Variants in BOP1 observed in about 807,000 individuals in gnomAD.
The protein encoded by BOP1 is BOP1 ribosomal biogenesis factor.
Under a neutral mutation model 82.9 loss-of-function variants are expected in BOP1, and 54 were observed. That is an observed-to-expected ratio of 0.65 (90% CI 0.52 to 0.82). The LOEUF (loss-of-function observed/expected upper bound fraction) is 0.82. Ranked by LOEUF, BOP1 falls within the 40% of genes least tolerant of loss-of-function variation. The pLI, the probability that BOP1 is intolerant of heterozygous loss-of-function variation, is 0.00. For missense variants in BOP1, 1,170 were observed against 1,072.0 expected, an observed-to-expected ratio of 1.09 and a Z score of -1.28; for synonymous variants, 566 against 451.1, an observed-to-expected ratio of 1.25 and a Z score of -3.23.
chr8:144,262,463 G>A lies in BOP1; in HGVS notation c.2020C>T (p.Arg674Trp), dbSNP rs1400576650. 12 of 1,612,732 alleles carry A rather than the reference G, an allele frequency of 7.4e-6. No homozygotes were observed. In the East Asian group the frequency reaches 1.3e-4, roughly 18 times the overall value. Residue 674 changes from arginine (R) to tryptophan (W), a missense_variant, in exon 15 of 16, where the codon CGG (arginine) becomes TGG (tryptophan). Coordinates refer to ENST00000569669, the MANE Select transcript of BOP1 (RefSeq NM_015201.5). ...KALRAVAFHP[R>W]YPLFASGSDD... Reference sequence around the variant, plus strand: ...GAGCCTGACGCAAAGAGTGGGTACCGCGGGTGGAAGGCCACAGCCCGCAGA... The same window carrying A: ...GAGCCTGACGCAAAGAGTGGGTACCACGGGTGGAAGGCCACAGCCCGCAGA...
At chr8:144,280,231 G>A (rs782705193) in intron 2 of BOP1, among the ~76,000 whole-genome samples, 18 of 152,184 alleles carry the variant, frequency 1.2e-4, no homozygotes, top group African/African-American at 2.2e-4. Context: ...AGGCAAGAGC[G>A]GAGTTTACCA....
At chr8:144,266,432 C>G (rs1845365091) in intron 3 of BOP1, 1 of 886,570 alleles carries the variant, frequency 1.1e-6, no homozygotes, top group Admixed American at 6.2e-5. Context: ...GCTATAAAGG[C>G]GCAGCTCGGG....
intron 3 of BOP1, chr8:144,267,049 G>C (rs1404337174): frequency 4.7e-6 from 7 of 1,495,518 alleles, no homozygotes; most frequent in Non-Finnish European, 6.2e-6. Flanking sequence ...CTGCCACTCC[G>C]GGCCCGCCTT....
At position 144,264,525 on chromosome 8, in the gene BOP1, T is replaced by C; in HGVS notation, c.755A>G (p.Glu252Gly). Residue 252 changes from glutamate to glycine, a missense_variant, in exon 6 of 16, where the codon GAG (glutamate) becomes GGG (glycine). By Grantham distance (98) the Glu-to-Gly change is moderately conservative. Coordinates refer to ENST00000569669, the MANE Select transcript of BOP1 (RefSeq NM_015201.5). ...DKRSFIPSLV[E>G]KEKVSRMVHA... Reference sequence around the variant, plus strand: ...GGCTGTGTGCCCCACCTTCTCCTTCTCCACCAGGGAGGGGATGAAGCTGCG... The same window carrying C: ...GGCTGTGTGCCCCACCTTCTCCTTCCCCACCAGGGAGGGGATGAAGCTGCG... 2 of 1,610,114 alleles carry C rather than the reference T, an allele frequency of 1.2e-6. No individual in the cohort carries two copies. The highest frequency in any genetic ancestry group is 1.7e-6 in the Non-Finnish European group (2 of 1,179,026).
intron 3 of BOP1, chr8:144,266,776 A>G (rs1224845749): frequency 1.9e-6 from 2 of 1,062,342 alleles, no homozygotes; most frequent in African/African-American, 1.7e-5. Flanking sequence ...CGCCCGGCGG[A>G]GGGCGGGGGG....
In BOP1 at chr8:144,262,440, G is replaced by A. The variant is rs2130185276; in HGVS notation, c.2043C>T (p.Gly681=). ...FHPRYPLFAS[G]SDDGSVIVCH... ...AGACGATGACACTGCCGTCGTCCGAGCCTGACGCAAAGAGTGGGTACCGCG... is the reference window on the plus strand; with the variant it reads ...AGACGATGACACTGCCGTCGTCCGAACCTGACGCAAAGAGTGGGTACCGCG... The change falls in exon 15 of 16, where the codon GGC becomes GGT. Residue 681 remains glycine (G), a synonymous_variant. Coordinates refer to ENST00000569669, the MANE Select transcript of BOP1 (RefSeq NM_015201.5). The A allele has an allele frequency of 2.5e-6, 4 of 1,612,892 alleles. No individual in the cohort carries two copies. The highest frequency in any genetic ancestry group is 4.5e-5 in the East Asian group (2 of 44,866).
intron 2 of BOP1, among the ~76,000 whole-genome samples, chr8:144,283,538 C>T (rs4977213): frequency 0.69 from 105,526 of 152,142 alleles, 37,229 homozygotes; most frequent in African/African-American, 0.81. Context: ...GTCTTGAACT[C>T]CTGGGCTCAA....
At chr8:144,282,916 C>T (rs1845707306) in intron 2 of BOP1, among the ~76,000 whole-genome samples, 1 of 151,836 alleles carries the variant, frequency 6.6e-6, no homozygotes, top group Non-Finnish European at 1.5e-5. Flanking sequence ...TGGCCAGGTG[C>T]GGTGGCTCAC....
At chr8:144,267,122 G>A (rs1194446517) in intron 3 of BOP1, 4 of 1,486,210 alleles carry the variant, frequency 2.7e-6, no homozygotes, top group Admixed American at 2.3e-5. Context: ...GCCCGCGACG[G>A]CGAGAACACC....
In BOP1 at chr8:144,262,513, G is replaced by C; in HGVS notation, c.1980-10C>G. 1 of 1,612,934 alleles carries C rather than the reference G, an allele frequency of 6.2e-7. No homozygotes were observed. Among genetic ancestry groups the C allele is most frequent in the Non-Finnish European group, 8.5e-7 (1 of 1,179,772 alleles). On this transcript the variant is annotated splice_polypyrimidine_tract_variant and intron_variant, in intron 14 of 15. Coordinates refer to ENST00000569669, the MANE Select transcript of BOP1 (RefSeq NM_015201.5). The stretch of plus-strand genomic sequence containing the variant: ...AGCCTTCTTGTGGTGTCTGGGGGGA[G>C]GGAACCAGGTTGAAGGCAGGCTCGG...
intron 2 of BOP1, among the ~76,000 whole-genome samples, chr8:144,283,075 G>A (rs1814760579): frequency 6.6e-6 from 1 of 151,454 alleles, no homozygotes; most frequent in Admixed American, 6.6e-5. Context: ...GCTGGCATCT[G>A]TAATCCCAGC....
Position 144,263,378 on chromosome 8 carries a change from T to G in BOP1, c.1448A>C (p.Asn483Thr). 1 of 1,597,330 alleles carries G rather than the reference T, an allele frequency of 6.3e-7. No individual in the cohort carries two copies. The highest frequency in any genetic ancestry group is 8.5e-7 in the Non-Finnish European group (1 of 1,179,598). The change falls in exon 12 of 16, where the codon AAC (asparagine) becomes ACC (threonine). Residue 483 changes from asparagine (N) to threonine (T), a missense_variant. Coordinates refer to ENST00000569669, the MANE Select transcript of BOP1 (RefSeq NM_015201.5). ...AAVEDSVLLL[N>T]PALGDRLVAG... ...CACCAGCCGGTCCCCCAGAGCTGGGTTCAGCAGCAGCACCGAGTCCTCCCT... is the reference window on the plus strand; with the variant it reads ...CACCAGCCGGTCCCCCAGAGCTGGGGTCAGCAGCAGCACCGAGTCCTCCCT...
chr8:144,270,904 C>T lies in BOP1; in HGVS notation c.390+5320G>A, dbSNP rs543339421. On this transcript the variant is annotated intron_variant, in intron 3 of 15. Coordinates refer to ENST00000569669, the MANE Select transcript of BOP1 (RefSeq NM_015201.5). ...CCTGCGAGCCGAGCTGGGCTGGAAA[C>T]GCTCTGCTGGGCCTCAGCTGTCAGC... is the stretch of plus-strand genomic sequence containing the variant. Among the ~76,000 whole-genome samples the T allele has an allele frequency of 7.4e-3, 1,128 of 152,270 alleles. 18 individuals carry two copies. Among genetic ancestry groups the T allele is most frequent in the African/African-American group, 0.025 (1,048 of 41,568 alleles).
intron 3 of BOP1, among the ~76,000 whole-genome samples, chr8:144,275,237 G>A (rs916746135): frequency 4.6e-5 from 7 of 152,118 alleles, no homozygotes; most frequent in Non-Finnish European, 1.0e-4. Context: ...AGGGCCCAAA[G>A]GAGACTCTGC....
rs1183797543 is a variant in BOP1, at chr8:144,264,160, CA to C, written c.979-19del. 6.2e-7 allele frequency: 1 copy of C among 1,610,618 alleles called. No homozygotes were observed. The highest frequency in any genetic ancestry group is 2.2e-5 in the East Asian group (1 of 44,848). On this transcript the variant is annotated intron_variant, in intron 7 of 15. Transcript: ENST00000569669. ...GCCAAGCGCTGTGGAGACCAAGACACAGGGGTGGGGAGGGTCACAGGGAAGC... is the reference window on the plus strand; with the variant it reads ...GCCAAGCGCTGTGGAGACCAAGACACGGGGTGGGGAGGGTCACAGGGAAGC...
intron 3 of BOP1, chr8:144,266,192 CG>C: frequency 6.6e-6 from 1 of 152,442 alleles, no homozygotes; most frequent in Non-Finnish European, 1.5e-5. Flanking sequence ...TCCCCTCTCC[CG>C]GGGACGGGGG....
intron 2 of BOP1, among the ~76,000 whole-genome samples, chr8:144,277,220 C>A (rs1040339156): frequency 7.2e-6 from 1 of 139,114 alleles, no homozygotes; most frequent in Non-Finnish European, 1.5e-5. Flanking sequence ...CCTGTTTTTT[C>A]CTTCAATATA....
intron 13 of BOP1, 88 bp from the exon 14 acceptor site, chr8:144,262,760 G>A: frequency 6.8e-7 from 1 of 1,473,068 alleles, no homozygotes; most frequent in Non-Finnish European, 9.1e-7. Flanking sequence ...TCACCTGCAG[G>A]GTGCACTGCC....
At chr8:144,265,459 CTCGGGGAA>C (rs1234435405) in intron 3 of BOP1, 2 of 310,574 alleles carry the variant, frequency 6.4e-6, no homozygotes, top group Non-Finnish European at 1.2e-5. Context: ...AAGACGGGGA[CTCGGGGAA>C]GACCCCAACT....
Sources: gnomAD v4.1 joint callset for allele counts (sites outside exome capture counted in the v4.1 genomes callset) on GRCh38, gnomAD v4.1.1 for gene constraint, MANE v1.5 for transcripts, NCBI Gene and HGNC (gene_info 2026-07-23, HGNC 2026-07-21) for gene names.